The following PACRGL variants were observed in gnomAD, a reference collection of about 807,000 sequenced individuals.
The protein encoded by PACRGL is parkin coregulated like.
In PACRGL, 38 loss-of-function variants were observed where a neutral mutation model predicts 34.5. The observed-to-expected ratio is 1.10, with a 90% CI of 0.85 to 1.44. The LOEUF (loss-of-function observed/expected upper bound fraction) is 1.44, where lower values mean the gene tolerates loss of function less well. Ranked by LOEUF, PACRGL falls within the 40% of genes most tolerant of loss-of-function variation. The probability of loss-of-function intolerance (pLI) is 0.00; values close to 1 mark genes in which losing one functional copy is unlikely to be tolerated. For missense variants in PACRGL, 305 were observed against 281.4 expected, an observed-to-expected ratio of 1.08 and a Z score of -0.60; for synonymous variants, 128 against 100.1, an observed-to-expected ratio of 1.28 and a Z score of -1.66.
At chr4:20,709,640 AATTAT>A in intron 4 of PACRGL, 38 bp from the exon 5 acceptor site, 1 of 1,266,476 alleles carries the variant, frequency 7.9e-7, no homozygotes, top group Non-Finnish European at 1.1e-6. Context: ...CTTAATATAG[AATTAT>A]ATTTTTCTTG....
downstream of PACRGL, among the ~76,000 whole-genome samples, chr4:20,736,551 T>A (rs765086567): frequency 2.0e-5 from 3 of 152,340 alleles, no homozygotes; most frequent in Non-Finnish European, 2.9e-5. Flanking sequence ...GAATTAATTT[T>A]ACCTTTTTTT....
intron 8 of PACRGL, 65 bp downstream of exon 8, chr4:20,724,953 A>G (rs1745003605): frequency 2.2e-6 from 2 of 892,024 alleles, no homozygotes; most frequent in South Asian, 2.7e-5. Context: ...AAATTGACAT[A>G]TATATATATT....
intron 8 of PACRGL, among the ~76,000 whole-genome samples, chr4:20,746,860 A>G (rs1752523841): frequency 6.6e-6 from 1 of 152,126 alleles, no homozygotes; most frequent in African/African-American, 2.4e-5. Flanking sequence ...TTATCGTAGA[A>G]TCAGATGGTC....
downstream of PACRGL, among the ~76,000 whole-genome samples, chr4:20,755,143 A>T (rs11929876): frequency 1.1e-3 from 171 of 152,242 alleles, 1 homozygote; most frequent in African/African-American, 4.0e-3. Flanking sequence ...TAGTAATGAG[A>T]TGGGGTGGGA....
At chr4:20,737,296 G>C (rs547072669), downstream of PACRGL, among the ~76,000 whole-genome samples, 1,177 of 111,708 alleles carry the variant, frequency 0.011, 19 homozygotes, top group African/African-American at 0.041. Context: ...TGTTCATTTT[G>C]CTCCAAGGTT....
chr4:20,700,813 A>C (rs1202263912), intron 1 of PACRGL, 26 bp downstream of exon 1: 2 of 152,176 alleles, frequency 1.3e-5, no homozygotes, highest in Non-Finnish European at 2.9e-5. Context: ...GGCCCCTTTA[A>C]AAAATCTCTG....
chr4:20,748,359 A>T (rs1560430589), intron 8 of PACRGL, among the ~76,000 whole-genome samples: 4 of 151,726 alleles, frequency 2.6e-5, no homozygotes. Flanking sequence ...TGTTCTCTTA[A>T]GGAGCTCCTG....
At chr4:20,766,479 T>G in the PACRGL span, among the ~76,000 whole-genome samples, 1 of 152,148 alleles carries the variant, frequency 6.6e-6, no homozygotes, top group Non-Finnish European at 1.5e-5. Flanking sequence ...GGCAGGAGAC[T>G]CACTTGAATC....
intron 7 of PACRGL, among the ~76,000 whole-genome samples, chr4:20,714,856 G>A (rs10011908): frequency 0.32 from 49,342 of 152,028 alleles, 8,479 homozygotes; most frequent in African/African-American, 0.43. Context: ...CATTGTGGAA[G>A]TCAGTGTGGC....
At chr4:20,737,135 AT>A, downstream of PACRGL, among the ~76,000 whole-genome samples, 1 of 152,322 alleles carries the variant, frequency 6.6e-6, no homozygotes, top group African/African-American at 2.4e-5. Flanking sequence ...GAAGGGTAGA[AT>A]GTCAAGTGAG....
Position 20,724,803 on chromosome 4 carries a change from A to G in PACRGL, c.610-5A>G. 6.8e-7 allele frequency: 1 copy of G among 1,463,998 alleles called. No homozygotes were observed. The highest frequency in any genetic ancestry group is 9.0e-7 in the Non-Finnish European group (1 of 1,113,644). The allele number at this position is 1,463,998 out of a possible 1,614,324, so 90.7% of individuals were successfully genotyped here. A position where few individuals can be genotyped will look rare whatever the true frequency, so the allele number is the denominator to read the frequency against. On this transcript the variant is annotated splice_region_variant and splice_polypyrimidine_tract_variant and intron_variant, in intron 7 of 8. Coordinates refer to ENST00000503585, the MANE Select transcript of PACRGL (RefSeq NM_001258345.3). ...TTTCGTTTCCCCCTAATCTTACTTTAAAAGCTTTCCAAGAGATTAATGGAC... is the reference window on the plus strand; with the variant it reads ...TTTCGTTTCCCCCTAATCTTACTTTGAAAGCTTTCCAAGAGATTAATGGAC...
chr4:20,759,928 C>T, the PACRGL span, among the ~76,000 whole-genome samples: 2 of 152,184 alleles, frequency 1.3e-5, no homozygotes, highest in Admixed American at 6.6e-5. Context: ...TACCAAAATC[C>T]ATGCACATTC....
intron 3 of PACRGL, 127 bp from the exon 4 acceptor site, chr4:20,707,676 C>T: frequency 2.8e-6 from 2 of 720,766 alleles, no homozygotes; most frequent in Non-Finnish European, 2.5e-6. Context: ...GACAGTTTTT[C>T]TCAACTGTGT....
chr4:20,758,267 T>C, the PACRGL span, among the ~76,000 whole-genome samples: 1 of 152,110 alleles, frequency 6.6e-6, no homozygotes, highest in Non-Finnish European at 1.5e-5. Context: ...TCTAGGATGG[T>C]TTTAATTTTC....
At chr4:20,724,232 C>A (rs149188829) in intron 7 of PACRGL, among the ~76,000 whole-genome samples, 249 of 152,174 alleles carry the variant, frequency 1.6e-3, no homozygotes, top group African/African-American at 5.1e-3. Flanking sequence ...TTAAGTATGG[C>A]GTGAGACCCA....
In PACRGL at chr4:20,712,856, C is replaced by T. The variant is rs760609739; in HGVS notation, c.435C>T (p.Val145=). 6.2e-7 allele frequency: 1 copy of T among 1,605,326 alleles called. No homozygotes were observed. The highest frequency in any genetic ancestry group is 8.5e-7 in the Non-Finnish European group (1 of 1,174,750). Residue 145 remains valine, a synonymous_variant, in exon 6 of 9, where the codon GTC becomes GTT. Coordinates refer to ENST00000503585, the MANE Select transcript of PACRGL (RefSeq NM_001258345.3). ...SKEGFRELLL[V]KGAPEKAIPL... is the part of the protein sequence containing the mutation. Reference sequence around the variant, plus strand: ...AGGGTTTTAGAGAATTACTTTTGGTCAAAGGTGCTCCTGAAAAAGCTATTC... The same window carrying T: ...AGGGTTTTAGAGAATTACTTTTGGTTAAAGGTGCTCCTGAAAAAGCTATTC...
chr4:20,722,826 A>G (rs1271742490), intron 7 of PACRGL, among the ~76,000 whole-genome samples: 1 of 152,202 alleles, frequency 6.6e-6, no homozygotes, highest in Non-Finnish European at 1.5e-5. Flanking sequence ...GGGAAGTTCT[A>G]TACCGCATAC....
chr4:20,701,462 TG>T (rs1732149732), intron 1 of PACRGL: 1 of 158,594 alleles, frequency 6.3e-6, no homozygotes, highest in Admixed American at 6.1e-5. Flanking sequence ...TATCTTGTTT[TG>T]TAAAAGAATG....
At chr4:20,712,949 A>T in intron 6 of PACRGL, 27 bp downstream of exon 6, 1 of 1,475,792 alleles carries the variant, frequency 6.8e-7, no homozygotes, top group African/African-American at 1.4e-5. Context: ...ATTGTACTTT[A>T]TATTTGAAAA....
Sources: gnomAD v4.1 joint callset for allele counts (sites outside exome capture counted in the v4.1 genomes callset) on GRCh38, gnomAD v4.1.1 for gene constraint, MANE v1.5 for transcripts, NCBI Gene and HGNC (gene_info 2026-07-23, HGNC 2026-07-21) for gene names.